IGSF5: variants seen among roughly 807,000 people sequenced by gnomAD.
IGSF5 encodes the protein immunoglobulin superfamily member 5, also known as immunoglobulin superfamily 5 like.
Under a neutral mutation model 39.4 loss-of-function variants are expected in IGSF5, and 41 were observed. The ratio of observed to expected loss-of-function variants is 1.04; its 90% CI spans 0.81 to 1.35. The LOEUF (loss-of-function observed/expected upper bound fraction) is 1.35, where lower values mean the gene tolerates loss of function less well. Among genes scored for constraint, IGSF5 ranks in the 40% most tolerant of loss-of-function variants. IGSF5 has a pLI of 0.00. For synonymous variants in IGSF5, 183 were observed against 175.3 expected, an observed-to-expected ratio of 1.04 and a Z score of -0.34; for missense variants, 487 against 494.6, an observed-to-expected ratio of 0.98 and a Z score of 0.15.
At chr21:39,786,763 G>A (rs191694715) in intron 5 of IGSF5, among the ~76,000 whole-genome samples, 27 of 152,322 alleles carry the variant, frequency 1.8e-4, no homozygotes, top group African/African-American at 6.3e-4. Context: ...ATTCACCATG[G>A]AATACTATGC....
chr21:39,736,247 G>GGGTT, the IGSF5 span, among the ~76,000 whole-genome samples: 1 of 152,058 alleles, frequency 6.6e-6, no homozygotes, highest in Non-Finnish European at 1.5e-5. Flanking sequence ...TTTCCTCAGG[G>GGGTT]ATTCCCAGGG....
intron 2 of IGSF5, among the ~76,000 whole-genome samples, chr21:39,750,738 CT>C (rs55813396): frequency 0.23 from 34,653 of 152,082 alleles, 4,659 homozygotes; most frequent in Non-Finnish European, 0.32. Flanking sequence ...ACCCTCGGGA[CT>C]TTTTTCTTTC....
At chr21:39,740,646 A>T (rs2079944646), upstream of IGSF5, among the ~76,000 whole-genome samples, 1 of 152,150 alleles carries the variant, frequency 6.6e-6, no homozygotes. Flanking sequence ...CCATCAGTAT[A>T]CAAGTTAGGG....
the IGSF5 span, among the ~76,000 whole-genome samples, chr21:39,718,814 T>C: frequency 6.6e-6 from 1 of 152,180 alleles, no homozygotes; most frequent in African/African-American, 2.4e-5. Context: ...AGTTTTCTTT[T>C]TTTGTTGTGT....
intron 4 of IGSF5, among the ~76,000 whole-genome samples, chr21:39,777,714 A>C (rs572216766): frequency 1.3e-5 from 2 of 152,134 alleles, no homozygotes; most frequent in African/African-American, 4.8e-5. Context: ...GCATCTTACT[A>C]TGGGGAGAAA....
chr21:39,737,614 C>T, the IGSF5 span, among the ~76,000 whole-genome samples: 1 of 152,160 alleles, frequency 6.6e-6, no homozygotes, highest in Non-Finnish European at 1.5e-5. Context: ...TTGCAACTCA[C>T]ACCATGAAGA....
the IGSF5 span, among the ~76,000 whole-genome samples, chr21:39,724,364 T>C: frequency 6.6e-6 from 1 of 152,222 alleles, no homozygotes; most frequent in Non-Finnish European, 1.5e-5. Context: ...TATAGCTCGG[T>C]GATATGGTTT....
At chr21:39,800,516 T>C (rs1401542168) in intron 8 of IGSF5, among the ~76,000 whole-genome samples, 4 of 152,250 alleles carry the variant, frequency 2.6e-5, no homozygotes, top group Non-Finnish European at 5.9e-5. Context: ...CCATCCGCTG[T>C]CCAGTTTTCC....
At chr21:39,716,070 C>T in the IGSF5 span, among the ~76,000 whole-genome samples, 218 of 152,340 alleles carry the variant, frequency 1.4e-3, 2 homozygotes, top group Non-Finnish European at 2.8e-3. Context: ...CTCCCATGCA[C>T]TCATTTCCCA....
At chr21:39,731,081 C>G in the IGSF5 span, among the ~76,000 whole-genome samples, 1 of 152,212 alleles carries the variant, frequency 6.6e-6, no homozygotes, top group Non-Finnish European at 1.5e-5. Flanking sequence ...AGGCTGGGAG[C>G]TTGCTTGTCT....
intron 2 of IGSF5, among the ~76,000 whole-genome samples, chr21:39,763,140 C>G (rs989599768): frequency 6.6e-6 from 1 of 152,162 alleles, no homozygotes; most frequent in African/African-American, 2.4e-5. Flanking sequence ...ACCAGAAATA[C>G]AGCTCCTGAG....
intron 5 of IGSF5, among the ~76,000 whole-genome samples, chr21:39,783,820 CTA>C (rs992683019): frequency 2.7e-4 from 41 of 152,154 alleles, no homozygotes; most frequent in African/African-American, 9.4e-4. Context: ...AGGATTTATC[CTA>C]TGTTTTCTTC....
rs60669244 is a variant in IGSF5 at position 39,748,301 on chromosome 21, C to CTTTTTTTT, written c.100+2023_100+2030dup. 2.7e-3 allele frequency among the ~76,000 whole-genome samples: 159 copies of CTTTTTTTT among 58,240 alleles called. 35 individuals carry two copies. The highest frequency in any genetic ancestry group is 6.2e-3 in the South Asian group (7 of 1,124). The allele number at this position is 58,240 out of a possible 152,430, so 38.2% of individuals were successfully genotyped here. A position where few individuals can be genotyped will look rare whatever the true frequency, so the allele number is the denominator to read the frequency against. The stretch of plus-strand genomic sequence containing the variant: ...TGTGCAAGTGAAGAGAAAACAAGAT[C>CTTTTTTTT]TTTTTTTTTTTTTTTTTTTTTTTTT... On this transcript the variant is annotated intron_variant, in intron 2 of 8. Transcript: ENST00000380588.
At chr21:39,797,296 G>A (rs1457818972) in intron 8 of IGSF5, among the ~76,000 whole-genome samples, 2 of 138,426 alleles carry the variant, frequency 1.4e-5, no homozygotes, top group East Asian at 4.4e-4. Context: ...TTGGCTCACC[G>A]CAACCTCTGC....
intron 7 of IGSF5, among the ~76,000 whole-genome samples, chr21:39,792,434 C>A (rs1023503827): frequency 6.6e-6 from 1 of 152,094 alleles, no homozygotes; most frequent in African/African-American, 2.4e-5. Context: ...ATGTAAATGA[C>A]AAGTTAACGG....
At chr21:39,794,793 C>T (rs187941713) in intron 8 of IGSF5, among the ~76,000 whole-genome samples, 44 of 152,216 alleles carry the variant, frequency 2.9e-4, no homozygotes, top group African/African-American at 1.0e-3. Context: ...CCTGAGGCGA[C>T]GGTGCCCAGC....
intron 5 of IGSF5, among the ~76,000 whole-genome samples, chr21:39,782,773 CT>C (rs1179164640): frequency 6.6e-6 from 1 of 152,148 alleles, no homozygotes; most frequent in African/African-American, 2.4e-5. Context: ...AACACAGCAC[CT>C]TATAGTTAAC....
At chr21:39,749,996 G>A (rs1569246936) in intron 2 of IGSF5, among the ~76,000 whole-genome samples, 1 of 152,176 alleles carries the variant, frequency 6.6e-6, no homozygotes, top group Admixed American at 6.5e-5. Flanking sequence ...TGTTTTTAAG[G>A]TAAAGATCTT....
intron 4 of IGSF5, among the ~76,000 whole-genome samples, chr21:39,772,499 C>G (rs894154837): frequency 3.3e-5 from 5 of 152,150 alleles, no homozygotes; most frequent in African/African-American, 1.2e-4. Flanking sequence ...GCTGGTTCCT[C>G]CTGAGGGCTG....
Sources: allele counts gnomAD v4.1 joint callset (sites outside exome capture counted in the v4.1 genomes callset), GRCh38; gene constraint gnomAD v4.1.1; transcripts MANE v1.5; gene names NCBI Gene and HGNC (gene_info 2026-07-23, HGNC 2026-07-21).